ANO10: variants seen among roughly 807,000 people sequenced by gnomAD.
The protein encoded by ANO10 is anoctamin-10.
Under a neutral mutation model 74.7 loss-of-function variants are expected in ANO10, and 77 were observed. The observed-to-expected ratio is 1.03, with a 90% CI of 0.86 to 1.25. The LOEUF (loss-of-function observed/expected upper bound fraction) is 1.25, where lower values mean the gene tolerates loss of function less well. Among genes scored for constraint, ANO10 ranks in the 50% most tolerant of loss-of-function variants. ANO10 has a pLI of 0.00. For synonymous variants in ANO10, 279 were observed against 284.9 expected, an observed-to-expected ratio of 0.98 and a Z score of 0.21; for missense variants, 721 against 778.1, an observed-to-expected ratio of 0.93 and a Z score of 0.87.
At chr3:43,661,628 A>AT (rs2083927589) in intron 1 of ANO10, among the ~76,000 whole-genome samples, 1 of 152,214 alleles carries the variant, frequency 6.6e-6, no homozygotes, top group Non-Finnish European at 1.5e-5. Context: ...ATAAAGAGTC[A>AT]AGACCCATAG....
intron 12 of ANO10, among the ~76,000 whole-genome samples, chr3:43,372,257 C>T (rs543895748): frequency 2.0e-5 from 3 of 152,296 alleles, no homozygotes; most frequent in South Asian, 2.1e-4. Flanking sequence ...CCTGCTCCCC[C>T]GGCCCAGCCC....
chr3:43,655,170 T>G (rs1013109690), intron 1 of ANO10, among the ~76,000 whole-genome samples: 9 of 152,216 alleles, frequency 5.9e-5, no homozygotes, highest in African/African-American at 2.2e-4. Flanking sequence ...CCTTTCACTC[T>G]TTACAGGTAA....
chr3:43,669,991 T>C (rs1241141759), intron 1 of ANO10, among the ~76,000 whole-genome samples: 4 of 152,154 alleles, frequency 2.6e-5, no homozygotes, highest in African/African-American at 9.7e-5. Flanking sequence ...CCCAAAGTGC[T>C]GGGATTACAG....
At chr3:43,571,913 A>T (rs1198632599) in intron 7 of ANO10, among the ~76,000 whole-genome samples, 4 of 152,040 alleles carry the variant, frequency 2.6e-5, no homozygotes, top group African/African-American at 9.7e-5. Context: ...GTCTAAATGA[A>T]ATGGTAAAGA....
At chr3:43,578,733 G>A (rs1037530734) in intron 5 of ANO10, among the ~76,000 whole-genome samples, 4 of 109,980 alleles carry the variant, frequency 3.6e-5, no homozygotes, top group African/African-American at 6.9e-5. Flanking sequence ...ATGGGCCACA[G>A]AGCAAGACTC....
chr3:43,366,582 G>A lies in ANO10; in HGVS notation c.*324C>T, dbSNP rs938325599. On this transcript the variant is annotated 3_prime_UTR_variant, in exon 13 of 13. Coordinates refer to ENST00000292246, the MANE Select transcript of ANO10 (RefSeq NM_018075.5). ...GTGACACTGCTATGAGGGGAACGTG[G>A]AGAGCTGGTGGCTCACTCATGGTGA... The A allele has an allele frequency of 9.1e-6, 4 of 440,882 alleles. No individual in the cohort carries two copies. In the Admixed American group the frequency reaches 1.0e-4, roughly 11 times the overall value. 27.3% of individuals were successfully genotyped at this position (440,882 alleles called of 1,614,324 possible). A position where few individuals can be genotyped will look rare whatever the true frequency, so the allele number is the denominator to read the frequency against.
chr3:43,374,333 G>A (rs1029446496), intron 12 of ANO10, among the ~76,000 whole-genome samples: 4 of 152,096 alleles, frequency 2.6e-5, no homozygotes, highest in Admixed American at 6.5e-5. Context: ...CACATTGCAC[G>A]CCAGGCACTG....
At chr3:43,581,154 GAAAA>G (rs2081247226) in intron 4 of ANO10, among the ~76,000 whole-genome samples, 1 of 152,144 alleles carries the variant, frequency 6.6e-6, no homozygotes, top group East Asian at 1.9e-4. Flanking sequence ...ATTGTCTCCA[GAAAA>G]AATTTACCAA....
At position 43,651,380 on chromosome 3, in the gene ANO10, T is replaced by C. The variant is rs141336528; in HGVS notation, c.-12+40137A>G. Among the ~76,000 whole-genome samples, 68 of 152,324 alleles carry C rather than the reference T, an allele frequency of 4.5e-4. 2 individuals are homozygous for C. The highest frequency in any genetic ancestry group is 1.6e-3 in the African/African-American group (66 of 41,568). On this transcript the variant is annotated intron_variant, in intron 1 of 3. Transcript: ENST00000413397. ...CACCGTAAAACTACAGAATTCCTCC[T>C]CTGAGAACAGCTGCTGTGTTTAATT... is the stretch of plus-strand genomic sequence containing the variant.
chr3:43,492,514 T>C (rs940213245), intron 11 of ANO10, among the ~76,000 whole-genome samples: 5 of 152,174 alleles, frequency 3.3e-5, no homozygotes, highest in Non-Finnish European at 7.3e-5. Context: ...ACCTACAGAA[T>C]GGGAGAATAT....
At chr3:43,554,453 A>G (rs982505869) in intron 10 of ANO10, among the ~76,000 whole-genome samples, 4 of 152,140 alleles carry the variant, frequency 2.6e-5, no homozygotes, top group Non-Finnish European at 5.9e-5. Flanking sequence ...TCAACCTCCC[A>G]AAGTGCTGGG....
chr3:43,452,694 T>C (rs1198327671), intron 11 of ANO10, among the ~76,000 whole-genome samples: 1 of 152,248 alleles, frequency 6.6e-6, no homozygotes, highest in Non-Finnish European at 1.5e-5. Context: ...GGTATATACC[T>C]AGGAGTGGAA....
At chr3:43,573,576 C>G (rs748644490) in intron 7 of ANO10, among the ~76,000 whole-genome samples, 69 of 152,168 alleles carry the variant, frequency 4.5e-4, no homozygotes, top group Non-Finnish European at 9.0e-4. Context: ...TCAGATGATT[C>G]TTCAGGTAAC....
At chr3:43,477,073 T>C (rs1325579241) in intron 11 of ANO10, among the ~76,000 whole-genome samples, 1 of 152,220 alleles carries the variant, frequency 6.6e-6, no homozygotes, top group Admixed American at 6.5e-5. Context: ...CATCCATTCC[T>C]GCTCTGCACC....
chr3:43,603,501 GATGTT>G (rs1468784305), intron 2 of ANO10, among the ~76,000 whole-genome samples: 2 of 151,708 alleles, frequency 1.3e-5, no homozygotes, highest in African/African-American at 4.9e-5. Context: ...TTGATTTATA[GATGTT>G]ATATCTTTTC....
At chr3:43,424,443 C>T (rs1575751513) in intron 12 of ANO10, 1 of 152,220 alleles carries the variant, frequency 6.6e-6, no homozygotes, top group Non-Finnish European at 1.5e-5. Flanking sequence ...AACAAATTAG[C>T]CACAAGACTT....
intron 2 of ANO10, among the ~76,000 whole-genome samples, chr3:43,604,018 C>T (rs548220615): frequency 8.0e-4 from 121 of 152,182 alleles, no homozygotes; most frequent in African/African-American, 2.8e-3. Context: ...TGACCATCTC[C>T]AGAGAATAAA....
At chr3:43,560,864 A>G (rs909891733) in intron 9 of ANO10, among the ~76,000 whole-genome samples, 1 of 152,220 alleles carries the variant, frequency 6.6e-6, no homozygotes, top group Non-Finnish European at 1.5e-5. Context: ...ATCATTTTCC[A>G]TGAGTTTGAA....
At chr3:43,512,508 G>C (rs1017822473) in intron 11 of ANO10, among the ~76,000 whole-genome samples, 5 of 152,114 alleles carry the variant, frequency 3.3e-5, no homozygotes, top group Admixed American at 2.0e-4. Flanking sequence ...TGCCCAAAGT[G>C]TGAGTGGGCC....
Sources: allele counts gnomAD v4.1 joint callset (sites outside exome capture counted in the v4.1 genomes callset), GRCh38; gene constraint gnomAD v4.1.1; transcripts MANE v1.5; gene names NCBI Gene and HGNC (gene_info 2026-07-23, HGNC 2026-07-21).